AK5: variants seen among roughly 807,000 people sequenced by gnomAD.
The protein encoded by AK5 is adenylate kinase 5.
AK5 carries 27 observed loss-of-function variants against 69.5 expected under a neutral mutation model. That is an observed-to-expected ratio of 0.39 (90% CI 0.29 to 0.54). The LOEUF (loss-of-function observed/expected upper bound fraction) is 0.54. Ranked by LOEUF, AK5 falls within the 20% of genes least tolerant of loss-of-function variation. The probability of loss-of-function intolerance (pLI) is 0.71; values close to 1 mark genes in which losing one functional copy is unlikely to be tolerated. For missense variants in AK5, 531 were observed against 700.4 expected (o/e 0.76, Z 2.73); for synonymous variants, 260 against 244.4 (o/e 1.06, Z -0.60).
chr1:77,362,585 A>G (rs1388164598), intron 6 of AK5, among the ~76,000 whole-genome samples: 1 of 152,236 alleles, frequency 6.6e-6, no homozygotes, highest in Admixed American at 6.5e-5. Context: ...CATTATGCAA[A>G]TCACAATCAC....
intron 12 of AK5, among the ~76,000 whole-genome samples, chr1:77,531,542 T>C (rs140174102): frequency 0.014 from 2,148 of 152,248 alleles, 29 homozygotes; most frequent in South Asian, 0.026. Flanking sequence ...AGAGTGTTGA[T>C]TGGTGCATTC....
intron 6 of AK5, among the ~76,000 whole-genome samples, chr1:77,352,245 A>C (rs574606665): frequency 2.6e-5 from 4 of 152,320 alleles, no homozygotes; most frequent in Admixed American, 2.0e-4. Context: ...AAGTAGTTCT[A>C]TGAAAAATGG....
At chr1:77,374,218 A>G (rs192980932) in intron 6 of AK5, among the ~76,000 whole-genome samples, 12 of 152,286 alleles carry the variant, frequency 7.9e-5, no homozygotes, top group Admixed American at 2.6e-4. Context: ...ATAATAATTC[A>G]AAGTGGGTTT....
chr1:77,405,119 G>A (rs181691702), intron 6 of AK5, among the ~76,000 whole-genome samples: 3 of 152,196 alleles, frequency 2.0e-5, no homozygotes, highest in African/African-American at 7.2e-5. Flanking sequence ...ATGGGACATG[G>A]TCTCTCAGCC....
At chr1:77,339,642 ATCT>A (rs1262708694) in intron 5 of AK5, among the ~76,000 whole-genome samples, 8 of 124,116 alleles carry the variant, frequency 6.4e-5, no homozygotes, top group South Asian at 2.8e-4. Flanking sequence ...ATTTAGCAAT[ATCT>A]TTTTTTTTTT....
intron 6 of AK5, among the ~76,000 whole-genome samples, chr1:77,359,072 G>A (rs929558915): frequency 9.2e-5 from 14 of 151,890 alleles, no homozygotes; most frequent in South Asian, 2.1e-4. Flanking sequence ...TGGCTAACGC[G>A]GTGAAACCCC....
intron 5 of AK5, among the ~76,000 whole-genome samples, chr1:77,316,164 A>T (rs1660234032): frequency 6.6e-6 from 1 of 152,110 alleles, no homozygotes; most frequent in Non-Finnish European, 1.5e-5. Flanking sequence ...ACTCAGTTGC[A>T]TTCCTTCTGG....
intron 2 of AK5, 154 bp from the exon 3 acceptor site, chr1:77,293,639 C>T (rs947018239): frequency 3.2e-6 from 2 of 616,634 alleles, no homozygotes; most frequent in African/African-American, 3.8e-5. Flanking sequence ...TGACCCTTTA[C>T]AATAAAGCCT....
At chr1:77,314,848 A>T (rs1033880491) in intron 5 of AK5, 10 of 152,162 alleles carry the variant, frequency 6.6e-5, no homozygotes, top group African/African-American at 2.4e-4. Context: ...ATTCCAGATT[A>T]TGAAATGACA....
chr1:77,512,521 G>T (rs1292526403), intron 10 of AK5, among the ~76,000 whole-genome samples: 1 of 150,696 alleles, frequency 6.6e-6, no homozygotes, highest in African/African-American at 2.5e-5. Context: ...TGGGGGAACG[G>T]GACAAATTTC....
intron 10 of AK5, among the ~76,000 whole-genome samples, chr1:77,493,307 TCCTGCC>T (rs1656105642): frequency 6.7e-6 from 1 of 149,998 alleles, no homozygotes; most frequent in African/African-American, 2.5e-5. Context: ...ATCCATTTTC[TCCTGCC>T]CTTGGACACC....
In AK5 at chr1:77,282,169, G is replaced by C. The variant is rs1241554509; in HGVS notation, c.-145G>C. 1 of 643,440 alleles carries C rather than the reference G, an allele frequency of 1.6e-6. No homozygotes were observed. 39.9% of individuals were successfully genotyped at this position (643,440 alleles called of 1,614,324 possible). A position where few individuals can be genotyped will look rare whatever the true frequency, so the allele number is the denominator to read the frequency against. On this transcript the variant is annotated 5_prime_UTR_variant, in exon 1 of 14. Transcript: ENST00000354567. ...GGCGGAGGGGGTCCCTGGCCTGGGCGGAGAGGCTGAGCTGAGTGCGCGTGA... is the reference window on the plus strand; with the variant it reads ...GGCGGAGGGGGTCCCTGGCCTGGGCCGAGAGGCTGAGCTGAGTGCGCGTGA...
At chr1:77,389,182 A>G (rs1648250648) in intron 6 of AK5, among the ~76,000 whole-genome samples, 1 of 152,206 alleles carries the variant, frequency 6.6e-6, no homozygotes, top group African/African-American at 2.4e-5. Context: ...TGATGTCTCC[A>G]GAGAGAGACT....
At chr1:77,501,096 G>A (rs1656691799) in intron 10 of AK5, among the ~76,000 whole-genome samples, 1 of 152,212 alleles carries the variant, frequency 6.6e-6, no homozygotes, top group South Asian at 2.1e-4. Context: ...AAGAATGGAT[G>A]GGATTCCCTA....
At chr1:77,553,601 G>A (rs185034012) in intron 13 of AK5, among the ~76,000 whole-genome samples, 1 of 152,326 alleles carries the variant, frequency 6.6e-6, no homozygotes, top group East Asian at 1.9e-4. Flanking sequence ...GATCACTAGG[G>A]TGAAGAACTT....
chr1:77,455,325 G>C (rs992840021), intron 8 of AK5, among the ~76,000 whole-genome samples: 1 of 152,164 alleles, frequency 6.6e-6, no homozygotes, highest in African/African-American at 2.4e-5. Context: ...CGTGAGGGCA[G>C]AGCCATCATG....
chr1:77,391,453 G>A (rs866494151), intron 6 of AK5, among the ~76,000 whole-genome samples: 8 of 122,770 alleles, frequency 6.5e-5, no homozygotes, highest in South Asian at 2.7e-4. Flanking sequence ...ATATGTGTGT[G>A]TATATATATA....
chr1:77,421,700 C>G (rs1003557623), intron 8 of AK5, among the ~76,000 whole-genome samples: 6 of 152,204 alleles, frequency 3.9e-5, no homozygotes, highest in Admixed American at 3.9e-4. Context: ...CACAAAGCTT[C>G]TGCTCCTAAC....
intron 5 of AK5, among the ~76,000 whole-genome samples, chr1:77,332,556 A>G (rs1162899000): frequency 6.7e-6 from 1 of 150,180 alleles, no homozygotes; most frequent in Non-Finnish European, 1.5e-5. Flanking sequence ...TGTGTCATTT[A>G]ATTTCTATAC....
Sources: allele counts gnomAD v4.1 joint callset (sites outside exome capture counted in the v4.1 genomes callset), GRCh38; gene constraint gnomAD v4.1.1; transcripts MANE v1.5; gene names NCBI Gene and HGNC (gene_info 2026-07-23, HGNC 2026-07-21).